The following TGM1 variants were observed in gnomAD, a reference collection of about 807,000 sequenced individuals.
TGM1 encodes the protein transglutaminase 1, also known as protein-glutamine gamma-glutamyltransferase K.
In TGM1, 63 loss-of-function variants were observed where a neutral mutation model predicts 88.7. The observed-to-expected ratio is 0.71, with a 90% CI of 0.58 to 0.88. The LOEUF (loss-of-function observed/expected upper bound fraction) is 0.88, where lower values mean the gene tolerates loss of function less well. Ranked by LOEUF, TGM1 falls within the 40% of genes least tolerant of loss-of-function variation. The pLI is 0.00. For missense variants in TGM1, 996 were observed against 1,118.0 expected (o/e 0.89, Z 1.56); for synonymous variants, 415 against 431.1 (o/e 0.96, Z 0.46).
At chr14:24,260,820 C>T (rs963003140) in intron 3 of TGM1, 122 bp from the exon 4 acceptor site, 1 of 1,315,260 alleles carries the variant, frequency 7.6e-7, no homozygotes, top group Non-Finnish European at 1.1e-6. Context: ...CTACGTTGGG[C>T]CATCACCTTA....
In TGM1 at chr14:24,259,586, G is replaced by A. The variant is rs1265273366; in HGVS notation, c.984+118C>T. The A allele has an allele frequency of 1.5e-5, 13 of 868,944 alleles. No homozygotes were observed. The highest frequency in any genetic ancestry group is 2.8e-5 in the South Asian group (2 of 70,500). The allele number at this position is 868,944 out of a possible 1,614,324, so 53.8% of individuals were successfully genotyped here. A position where few individuals can be genotyped will look rare whatever the true frequency, so the allele number is the denominator to read the frequency against. On this transcript the variant is annotated intron_variant, in intron 6 of 14. Transcript: ENST00000206765. This position sits in a 1 kb window ranked among gnomAD's most constrained non-coding sequence, Gnocchi z 5.7. ...GACCCCTTCCTGAAGTATCCTTTAC[G>A]AGGGCAGGGACAGGGCTGGGGGTTC...
Position 24,259,656 on chromosome 14 carries a change from G to T in TGM1, c.984+48C>A. The T allele has an allele frequency of 6.7e-7, 1 of 1,495,870 alleles. No individual in the cohort carries two copies. Among genetic ancestry groups the T allele is most frequent in the Non-Finnish European group, 9.2e-7 (1 of 1,086,802 alleles). 92.7% of individuals were successfully genotyped at this position (1,495,870 alleles called of 1,614,324 possible). A position where few individuals can be genotyped will look rare whatever the true frequency, so the allele number is the denominator to read the frequency against. ...CAGGAGGAGGGTGGGGGTGTGGCGA[G>T]GCAGCAGGCACACACACAGTAGGAC... On this transcript the variant is annotated intron_variant, in intron 6 of 14. Transcript: ENST00000206765. This position sits in a 1 kb window ranked among gnomAD's most constrained non-coding sequence, Gnocchi z 5.7.
chr14:24,255,190 T>C lies in TGM1; in HGVS notation c.1709A>G (p.Tyr570Cys). Residue 570 changes from tyrosine to cysteine, a missense_variant, in exon 12 of 15, where the codon TAT (tyrosine) becomes TGT (cysteine). Physicochemically the swap from Tyr to Cys is radical, Grantham distance 194 (BLOSUM62 -2). Coordinates refer to ENST00000206765, the MANE Select transcript of TGM1 (RefSeq NM_000359.3). This position sits in a 1 kb window ranked among gnomAD's most constrained non-coding sequence, Gnocchi z 4.0. ...ATCCTCCGCTGAGCCCCGGTTGGCATACACATTGGGTTTGCTGCCGTGGGC... is the reference window on the plus strand; with the variant it reads ...ATCCTCCGCTGAGCCCCGGTTGGCACACACATTGGGTTTGCTGCCGTGGGC... Reference protein sequence around the residue: ...AAAHGSKPNVYANRGSAEDVA... With the variant: ...AAAHGSKPNVCANRGSAEDVA... 1.9e-6 allele frequency: 3 copies of C among 1,614,048 alleles called. No individual in the cohort carries two copies. The highest frequency in any genetic ancestry group is 2.5e-6 in the Non-Finnish European group (3 of 1,180,032).
chr14:24,255,882 T>C lies in TGM1; in HGVS notation c.1491+107A>G, dbSNP rs2139020541. 1.2e-6 allele frequency: 1 copy of C among 867,878 alleles called. No homozygotes were observed. The highest frequency in any genetic ancestry group is 1.6e-5 in the South Asian group (1 of 64,022). The allele number at this position is 867,878 out of a possible 1,614,324, so 53.8% of individuals were successfully genotyped here. A position where few individuals can be genotyped will look rare whatever the true frequency, so the allele number is the denominator to read the frequency against. On this transcript the variant is annotated intron_variant, in intron 10 of 14. Transcript: ENST00000206765. This position sits in a 1 kb window ranked among gnomAD's most constrained non-coding sequence, Gnocchi z 4.0. ...TTACAGGTGAGGAAACTGACTTGTA[T>C]AATGAGTGACTTGCCCCGGGTCGCA...
Position 24,254,740 on chromosome 14 carries a change from C to T in TGM1, c.2012G>A (p.Gly671Asp). ...CACCTGCCCGCTCTCCTTGACGTGG[C>T]CTGAGACATTGAGCAGCATGGCCCC... is the stretch of plus-strand genomic sequence containing the variant. ...DQGAMLLNVSGHVKESGQVLA... is the reference protein window; with the variant it reads ...DQGAMLLNVSDHVKESGQVLA... The change falls in exon 13 of 15, where the codon GGC becomes GAC. Residue 671 changes from glycine (G) to aspartate (D), a missense_variant. Physicochemically the swap from Gly to Asp is moderately conservative, Grantham distance 94 (BLOSUM62 -1). Transcript: ENST00000206765. 2 of 1,614,072 alleles carry T rather than the reference C, an allele frequency of 1.2e-6. No homozygotes were observed. The highest frequency in any genetic ancestry group is 1.1e-5 in the South Asian group (1 of 91,090).
In TGM1 at chr14:24,258,689, G is replaced by C; in HGVS notation, c.1160-16C>G. 6.2e-7 allele frequency: 1 copy of C among 1,613,136 alleles called. No homozygotes were observed. The highest frequency in any genetic ancestry group is 8.5e-7 in the Non-Finnish European group (1 of 1,179,086). On this transcript the variant is annotated splice_polypyrimidine_tract_variant and intron_variant, in intron 7 of 14. Transcript: ENST00000206765. Reference sequence around the variant, plus strand: ...CAGCGCAGCACTGTGGAGGAGCGAAGGTTGGGGTTCAAGGCATGGGTTGGG... The same window carrying C: ...CAGCGCAGCACTGTGGAGGAGCGAACGTTGGGGTTCAAGGCATGGGTTGGG...
At chr14:24,258,775 T>G (rs1422756200) in intron 7 of TGM1, 102 bp from the exon 8 acceptor site, 1 of 1,536,110 alleles carries the variant, frequency 6.5e-7, no homozygotes, top group Non-Finnish European at 8.8e-7. Context: ...ATTGCCAAGC[T>G]GGGCATAGAC....
intron 2 of TGM1, 69 bp downstream of exon 2, chr14:24,261,965 T>C: frequency 4.3e-6 from 7 of 1,609,926 alleles, no homozygotes; most frequent in Non-Finnish European, 5.9e-6. Flanking sequence ...CCCCCAGAAA[T>C]GCCAGGCTGA....
chr14:24,258,305 G>A lies in TGM1; in HGVS notation c.1382C>T (p.Thr461Ile), dbSNP rs1312838302. 1 of 1,613,894 alleles carries A rather than the reference G, an allele frequency of 6.2e-7. No individual in the cohort carries two copies. Among genetic ancestry groups the A allele is most frequent in the East Asian group, 2.2e-5 (1 of 44,882 alleles). ...CTTACCACTGCTAGTCTCTTGGGGT[G>A]TGGCATCCACCACCTGCCACCCATC... ...GFDGWQVVDA[T>I]PQETSSGIFC... Residue 461 changes from threonine to isoleucine, a missense_variant, in exon 9 of 15, where the codon ACA (threonine) becomes ATA (isoleucine). By Grantham distance (89) the Thr-to-Ile change is moderately conservative. Coordinates refer to ENST00000206765, the MANE Select transcript of TGM1 (RefSeq NM_000359.3).
chr14:24,258,980 C>A, intron 7 of TGM1, 95 bp downstream of exon 7: 1 of 1,456,288 alleles, frequency 6.9e-7, no homozygotes, highest in Non-Finnish European at 9.5e-7. Context: ...CTGCACCCTG[C>A]ACTGTAGCCA....
intron 8 of TGM1, 65 bp from the exon 9 acceptor site, chr14:24,258,453 C>G: frequency 1.2e-6 from 2 of 1,611,076 alleles, no homozygotes; most frequent in Non-Finnish European, 1.7e-6. Flanking sequence ...GTTTCCCCAG[C>G]CTCCCCAGCC....
At position 24,259,118 on chromosome 14, in the gene TGM1, G is replaced by C; in HGVS notation, c.1116C>G (p.Val372=). 3.7e-6 allele frequency: 6 copies of C among 1,614,156 alleles called. No individual in the cohort carries two copies. Among genetic ancestry groups the C allele is most frequent in the Non-Finnish European group, 4.2e-6 (5 of 1,180,024 alleles). ...LLSYLRTGYS[V]PYGQCWVFAG... ...CAAAGACCCAGCACTGGCCATAGGG[G>C]ACGGAATATCCCGTGCGTAGGTAGC... The change falls in exon 7 of 15, where the codon GTC becomes GTG. Residue 372 remains valine (V), a synonymous_variant. Transcript: ENST00000206765. The surrounding 1 kb of genome is among the most constrained non-coding windows in gnomAD (Gnocchi z 5.7).
chr14:24,261,455 A>G (rs983639903), intron 3 of TGM1, among the ~76,000 whole-genome samples: 3 of 152,184 alleles, frequency 2.0e-5, no homozygotes, highest in Admixed American at 2.0e-4. Context: ...GGCCCTGAAG[A>G]GGAGTACTCT....
rs1244683401 is a variant in TGM1, at chr14:24,259,240, G to C, written c.994C>G (p.Leu332Val). ...SRVISAMVNS[L>V]DDNGVLIGNW... ...CCAATCAGGACTCCATTGTCATCCAGGGAGTTCACCTGCCCAGGACAGGAT... is the reference window on the plus strand; with the variant it reads ...CCAATCAGGACTCCATTGTCATCCACGGAGTTCACCTGCCCAGGACAGGAT... Residue 332 changes from leucine (L) to valine (V), a missense_variant, in exon 7 of 15, where the codon CTG becomes GTG. Physicochemically the swap from Leu to Val is conservative, Grantham distance 32 (BLOSUM62 1). Coordinates refer to ENST00000206765, the MANE Select transcript of TGM1 (RefSeq NM_000359.3). This position sits in a 1 kb window ranked among gnomAD's most constrained non-coding sequence, Gnocchi z 5.7. 6.2e-7 allele frequency: 1 copy of C among 1,612,734 alleles called. No homozygotes were observed. Among genetic ancestry groups the C allele is most frequent in the Non-Finnish European group, 8.5e-7 (1 of 1,179,378 alleles).
intron 4 of TGM1, 177 bp downstream of exon 4, chr14:24,260,273 T>C (rs1316565815): frequency 9.2e-7 from 1 of 1,091,568 alleles, no homozygotes; most frequent in South Asian, 1.4e-5. Context: ...TGTGGCTGGC[T>C]GTGTGACCCT....
In TGM1 at chr14:24,259,096, A is replaced by G. The variant is rs529243676; in HGVS notation, c.1138T>C (p.Phe380Leu). The G allele has an allele frequency of 1.2e-6, 2 of 1,614,012 alleles. No homozygotes were observed. Among genetic ancestry groups the G allele is most frequent in the Middle Eastern group, 3.3e-4 (2 of 6,060 alleles). The change falls in exon 7 of 15, where the codon TTT becomes CTT. Residue 380 changes from phenylalanine to leucine, a missense_variant. Physicochemically the swap from Phe to Leu is conservative, Grantham distance 22 (BLOSUM62 0). Coordinates refer to ENST00000206765, the MANE Select transcript of TGM1 (RefSeq NM_000359.3). The surrounding 1 kb of genome is among the most constrained non-coding windows in gnomAD (Gnocchi z 5.7). ...YSVPYGQCWV[F>L]AGVTTTVLRC... ...CTACCTGTGGTGGTCACGCCAGCAA[A>G]GACCCAGCACTGGCCATAGGGGACG... is the stretch of plus-strand genomic sequence containing the variant.
In TGM1 at chr14:24,254,657, C is replaced by A. The variant is rs1424727184; in HGVS notation, c.2088+7G>T. Reference sequence around the variant, plus strand: ...CCACCCCTCATGCCCCAGCAAACTGCATTCACCGTGAGGGAGAGGTCTGGG... The same window carrying A: ...CCACCCCTCATGCCCCAGCAAACTGAATTCACCGTGAGGGAGAGGTCTGGG... On this transcript the variant is annotated splice_region_variant and intron_variant, in intron 13 of 14. Coordinates refer to ENST00000206765, the MANE Select transcript of TGM1 (RefSeq NM_000359.3). 6.2e-7 allele frequency: 1 copy of A among 1,613,760 alleles called. No homozygotes were observed. The highest frequency in any genetic ancestry group is 1.3e-5 in the African/African-American group (1 of 75,060).
chr14:24,257,678 A>G (rs747798050), intron 9 of TGM1, among the ~76,000 whole-genome samples: 22 of 152,258 alleles, frequency 1.4e-4, no homozygotes, highest in Non-Finnish European at 2.1e-4. Flanking sequence ...GAGTGGGTCA[A>G]AAAATCCGGC....
intron 8 of TGM1, 46 bp downstream of exon 8, chr14:24,258,489 C>T (rs369513506): frequency 3.1e-6 from 5 of 1,596,014 alleles, no homozygotes; most frequent in African/African-American, 1.3e-5. Flanking sequence ...CTCCAAAGCT[C>T]AGGTCACCAT....
Sources: allele counts gnomAD v4.1 joint callset (sites outside exome capture counted in the v4.1 genomes callset), GRCh38; gene constraint gnomAD v4.1.1; non-coding constraint Gnocchi (gnomAD v3.1); transcripts MANE v1.5; gene names NCBI Gene and HGNC (gene_info 2026-07-23, HGNC 2026-07-21).